Variants in FCRL1 observed in about 807,000 individuals in gnomAD.
FCRL1 encodes the protein Fc receptor like 1.
A neutral mutation model predicts 49.2 loss-of-function variants in FCRL1; 34 were observed. The observed-to-expected ratio is 0.69, with a 90% CI of 0.53 to 0.92. FCRL1 has a LOEUF of 0.92. Among genes scored for constraint, FCRL1 ranks in the 40% least tolerant of loss-of-function variants. The pLI, the probability that FCRL1 is intolerant of heterozygous loss-of-function variation, is 0.00. For missense variants in FCRL1, 524 were observed against 524.1 expected, an observed-to-expected ratio of 1.00 and a Z score of 0.00; for synonymous variants, 218 against 201.6, an observed-to-expected ratio of 1.08 and a Z score of -0.69.
chr1:157,812,992 A>T (rs1225655487), intron 1 of FCRL1, among the ~76,000 whole-genome samples: 1 of 152,200 alleles, frequency 6.6e-6, no homozygotes, highest in Non-Finnish European at 1.5e-5. Flanking sequence ...CATTGCTGAC[A>T]TTGATTGCTG....
At chr1:157,812,668 C>A (rs1490769978) in intron 1 of FCRL1, among the ~76,000 whole-genome samples, 4 of 152,092 alleles carry the variant, frequency 2.6e-5, no homozygotes, top group Admixed American at 6.5e-5. Context: ...GGTGGAAGAG[C>A]TGTGTCCATC....
intron 1 of FCRL1, among the ~76,000 whole-genome samples, chr1:157,808,260 T>C (rs989935519): frequency 6.6e-6 from 1 of 152,128 alleles, no homozygotes; most frequent in African/African-American, 2.4e-5. Flanking sequence ...AATTTAAAAA[T>C]AAGTATATAA....
intron 1 of FCRL1, among the ~76,000 whole-genome samples, chr1:157,809,440 C>A (rs1432544231): frequency 6.6e-6 from 1 of 151,560 alleles, no homozygotes; most frequent in South Asian, 2.1e-4. Flanking sequence ...CAAAAACAAA[C>A]AAAAAAAACC....
rs1186669377 is a variant in FCRL1 at position 157,803,950 on chromosome 1, G to A, written c.214C>T (p.Gln72Ter). ...GPGWSSSPKL[Q>*]IAAMWKEDTG... is the part of the protein sequence containing the mutation. The stretch of plus-strand genomic sequence containing the variant: ...TCTTCTTTCCACATGGCAGCGATCT[G>A]GAGCTTGGGGGAGCTGCTCCAGCCT... The change falls in exon 3 of 11, where the codon CAG becomes TAG. Residue 72 changes from glutamine (Q) to a stop codon, truncating the protein, a stop_gained. Transcript: ENST00000368176. LOFTEE classifies it high-confidence loss of function. 1.2e-6 allele frequency: 2 copies of A among 1,614,220 alleles called. No homozygotes were observed. The highest frequency in any genetic ancestry group is 1.7e-6 in the Non-Finnish European group (2 of 1,180,038).
chr1:157,798,334 G>T, intron 7 of FCRL1, 91 bp from the exon 8 acceptor site: 1 of 1,094,610 alleles, frequency 9.1e-7, no homozygotes, highest in South Asian at 1.5e-5. Context: ...GTGACAAATT[G>T]TCCTGAGCAG....
intron 6 of FCRL1, among the ~76,000 whole-genome samples, chr1:157,800,929 G>A (rs1652345316): frequency 6.6e-6 from 1 of 151,914 alleles, no homozygotes; most frequent in Non-Finnish European, 1.5e-5. Flanking sequence ...GTCTCACTCT[G>A]TCACCAGGCT....
Position 157,802,017 on chromosome 1 carries a change from A to AGGAG in FCRL1, c.780_783dup (p.Phe262LeufsTer8), listed in dbSNP as rs1652566944. 4 of 1,614,224 alleles carry AGGAG rather than the reference A, an allele frequency of 2.5e-6. No homozygotes were observed. The highest frequency in any genetic ancestry group is 3.4e-6 in the Non-Finnish European group (4 of 1,180,044). On this transcript the variant is annotated frameshift_variant, in exon 5 of 11. Coordinates refer to ENST00000368176, the MANE Select transcript of FCRL1 (RefSeq NM_052938.5). LOFTEE classifies it high-confidence loss of function. ...TGTTCTTCAGTCAGGGAAAGGTTGA[A>AGGAG]GGAGGCTCCTCCTCCAGAGGGGGCC... is the stretch of plus-strand genomic sequence containing the variant.
chr1:157,814,465 G>A (rs12131181), intron 1 of FCRL1, among the ~76,000 whole-genome samples: 32,001 of 151,600 alleles, frequency 0.21, 3,551 homozygotes, highest in Non-Finnish European at 0.24. Context: ...CAGCAGATAC[G>A]TAAATGGGAG....
chr1:157,798,128 C>T (rs1179227158), intron 8 of FCRL1, 33 bp downstream of exon 8: 1 of 1,592,614 alleles, frequency 6.3e-7, no homozygotes, highest in Non-Finnish European at 8.6e-7. Context: ...CTTGCTGTAC[C>T]ATCGTTGGCC....
At chr1:157,799,366 C>T (rs1432401445) in intron 7 of FCRL1, among the ~76,000 whole-genome samples, 1 of 152,164 alleles carries the variant, frequency 6.6e-6, no homozygotes, top group East Asian at 1.9e-4. Flanking sequence ...TCTTCCTACC[C>T]ATGAGCATGG....
intron 1 of FCRL1, 144 bp from the exon 2 acceptor site, chr1:157,807,266 CT>C: frequency 1.4e-6 from 1 of 728,572 alleles, no homozygotes; most frequent in South Asian, 2.4e-5. Flanking sequence ...CTCTTTCCCT[CT>C]TTCTCTCTTC....
intron 7 of FCRL1, among the ~76,000 whole-genome samples, chr1:157,798,616 C>T (rs1337729725): frequency 6.6e-6 from 1 of 151,930 alleles, no homozygotes; most frequent in Non-Finnish European, 1.5e-5. Context: ...AGAAAATGCT[C>T]CTTCATGTGC....
At position 157,795,892 on chromosome 1, in the gene FCRL1, G is replaced by A. The variant is rs1651390550; in HGVS notation, c.*207C>T. 2.0e-6 allele frequency: 1 copy of A among 491,616 alleles called. No homozygotes were observed. Among genetic ancestry groups the A allele is most frequent in the South Asian group, 3.9e-5 (1 of 25,536 alleles). 30.5% of individuals were successfully genotyped at this position (491,616 alleles called of 1,614,324 possible). On this transcript the variant is annotated 3_prime_UTR_variant, in exon 11 of 11. Coordinates refer to ENST00000368176, the MANE Select transcript of FCRL1 (RefSeq NM_052938.5). ...ATCTGGTTCTGATAACAAAGTCCCTGTCACTCCTGTGTCTATTAGTTCTCC... is the reference window on the plus strand; with the variant it reads ...ATCTGGTTCTGATAACAAAGTCCCTATCACTCCTGTGTCTATTAGTTCTCC...
rs569794307 is a variant in FCRL1, at chr1:157,797,333, G to C, written c.1187-201C>G. ...AAAATTGGTAGCCTGGGGGTGGGAG[G>C]GTAAGTAGACCCTCTATGCCAGGAG... On this transcript the variant is annotated intron_variant, in intron 9 of 10. Transcript: ENST00000368176. Among the ~76,000 whole-genome samples, 4 of 152,238 alleles carry C rather than the reference G, an allele frequency of 2.6e-5. No individual in the cohort carries two copies. The South Asian group carries it at 8.3e-4, about 32-fold the overall frequency.
intron 2 of FCRL1, among the ~76,000 whole-genome samples, chr1:157,804,615 C>G (rs1008257845): frequency 6.6e-6 from 1 of 152,132 alleles, no homozygotes; most frequent in African/African-American, 2.4e-5. Flanking sequence ...CCTGCAGGGT[C>G]GATCTGTCCA....
chr1:157,801,356 G>A, intron 6 of FCRL1, 105 bp downstream of exon 6: 3 of 774,874 alleles, frequency 3.9e-6, no homozygotes, highest in Non-Finnish European at 6.8e-6. Context: ...TAGGCAAGGT[G>A]TTAACAGCAT....
At chr1:157,796,985 G>A (rs1651592164) in intron 10 of FCRL1, 116 bp downstream of exon 10, 1 of 916,386 alleles carries the variant, frequency 1.1e-6, no homozygotes, top group Admixed American at 2.0e-5. Context: ...GGGATGTAGG[G>A]AAGAGGTAGA....
rs1651301758 is a variant in FCRL1, at chr1:157,795,249, G to C, written c.*850C>G. On this transcript the variant is annotated 3_prime_UTR_variant, in exon 11 of 11. Coordinates refer to ENST00000368176, the MANE Select transcript of FCRL1 (RefSeq NM_052938.5). Reference sequence around the variant, plus strand: ...ATGTGCCTGTAGTCCCAGCTACTCAGCAGGCTGAGGTGAGAGGTTTGCTTG... The same window carrying C: ...ATGTGCCTGTAGTCCCAGCTACTCACCAGGCTGAGGTGAGAGGTTTGCTTG... 6.6e-6 allele frequency: 1 copy of C among 152,122 alleles called. No individual in the cohort carries two copies. Among genetic ancestry groups the C allele is most frequent in the Non-Finnish European group, 1.5e-5 (1 of 68,034 alleles). 9.4% of individuals were successfully genotyped at this position (152,122 alleles called of 1,614,324 possible).
At chr1:157,801,394 A>G in intron 6 of FCRL1, 67 bp downstream of exon 6, 1 of 1,038,712 alleles carries the variant, frequency 9.6e-7, no homozygotes. Context: ...TACATGTCAC[A>G]ATTTCAGCCT....
Sources: allele counts gnomAD v4.1 joint callset (sites outside exome capture counted in the v4.1 genomes callset), GRCh38; gene constraint gnomAD v4.1.1; transcripts MANE v1.5; gene names NCBI Gene and HGNC (gene_info 2026-07-23, HGNC 2026-07-21).